SORCS3: variants seen among roughly 807,000 people sequenced by gnomAD.
SORCS3 encodes VPS10 domain-containing receptor SorCS3.
Under a neutral mutation model 146.3 loss-of-function variants are expected in SORCS3, and 57 were observed. The ratio of observed to expected loss-of-function variants is 0.39; its 90% CI spans 0.31 to 0.49. The LOEUF (loss-of-function observed/expected upper bound fraction) is 0.49. Among genes scored for constraint, SORCS3 ranks in the 20% least tolerant of loss-of-function variants. The pLI is 0.92. For missense variants in SORCS3, 1,341 were observed against 1,575.5 expected, an observed-to-expected ratio of 0.85 and a Z score of 2.52; for synonymous variants, 653 against 618.5, an observed-to-expected ratio of 1.06 and a Z score of -0.83.
At chr10:104,777,897 C>G (rs1316001152) in intron 1 of SORCS3, among the ~76,000 whole-genome samples, 2 of 151,956 alleles carry the variant, frequency 1.3e-5, no homozygotes, top group African/African-American at 4.8e-5. Flanking sequence ...AAAAAAGTAT[C>G]AATTTTTACT....
chr10:105,049,504 C>T (rs2055396671), intron 5 of SORCS3, among the ~76,000 whole-genome samples: 1 of 152,028 alleles, frequency 6.6e-6, no homozygotes, highest in African/African-American at 2.4e-5. Context: ...ATGTAATATC[C>T]CTTAGGTGCA....
In SORCS3 at chr10:104,948,193, G is replaced by A. The variant is rs61310857; in HGVS notation, c.796-29142G>A. On this transcript the variant is annotated intron_variant, in intron 3 of 26. Transcript: ENST00000369701. ...CTGGTCCTGTCTTAAGTGCCCCTGA[G>A]CCCTGCTTATTTCCTAGGGAGCATT... Among the ~76,000 whole-genome samples the A allele has an allele frequency of 4.6e-5, 7 of 152,230 alleles. No homozygotes were observed. The East Asian group carries it at 1.4e-3, about 30-fold the overall frequency.
At chr10:105,161,563 C>T (rs1380321855) in intron 11 of SORCS3, among the ~76,000 whole-genome samples, 3 of 152,040 alleles carry the variant, frequency 2.0e-5, no homozygotes, top group South Asian at 2.1e-4. Context: ...AGGACATCTC[C>T]GAAGGCAGAT....
In SORCS3 at chr10:105,083,694, C is replaced by T. The variant is rs1399889755; in HGVS notation, c.1029-6081C>T. On this transcript the variant is annotated intron_variant, in intron 5 of 26. Transcript: ENST00000369701. ...ACTACTCCTCTACTGTTGGCCCAACCTCCTTTTTCTATTCTCAACTTTTCC... is the reference window on the plus strand; with the variant it reads ...ACTACTCCTCTACTGTTGGCCCAACTTCCTTTTTCTATTCTCAACTTTTCC... Among the ~76,000 whole-genome samples, 4 of 152,294 alleles carry T rather than the reference C, an allele frequency of 2.6e-5. No homozygotes were observed. In the East Asian group the frequency reaches 5.8e-4, roughly 22 times the overall value.
In SORCS3 at chr10:105,023,289, A is replaced by G. The variant is rs1376351123; in HGVS notation, c.955-19766A>G. Reference sequence around the variant, plus strand: ...TTACTATGTGTAAACAAGGTCTGGAAATAGAAGCACATATGCAGATTTATT... The same window carrying G: ...TTACTATGTGTAAACAAGGTCTGGAGATAGAAGCACATATGCAGATTTATT... On this transcript the variant is annotated intron_variant, in intron 4 of 26. Transcript: ENST00000369701. Among the ~76,000 whole-genome samples the G allele has an allele frequency of 6.6e-5, 10 of 152,216 alleles. No homozygotes were observed. In the South Asian group the frequency reaches 2.1e-3, roughly 31 times the overall value.
At chr10:104,732,384 G>A (rs192091969) in intron 1 of SORCS3, among the ~76,000 whole-genome samples, 78 of 152,272 alleles carry the variant, frequency 5.1e-4, no homozygotes, top group Admixed American at 2.4e-3. Context: ...CTTTGAACAC[G>A]ATGTTCCTAA....
chr10:104,837,206 G>T (rs2018080881), intron 1 of SORCS3, among the ~76,000 whole-genome samples: 1 of 152,094 alleles, frequency 6.6e-6, no homozygotes, highest in Admixed American at 6.5e-5. Flanking sequence ...CTGACCTCAA[G>T]GAGGTCACAG....
At chr10:104,723,230 T>C (rs2016573610) in intron 1 of SORCS3, among the ~76,000 whole-genome samples, 1 of 152,242 alleles carries the variant, frequency 6.6e-6, no homozygotes, top group Non-Finnish European at 1.5e-5. Flanking sequence ...CTTCATTTCA[T>C]TATGTACCCA....
At chr10:104,769,642 A>G (rs1448315438) in intron 1 of SORCS3, among the ~76,000 whole-genome samples, 1 of 152,114 alleles carries the variant, frequency 6.6e-6, no homozygotes, top group Non-Finnish European at 1.5e-5. Flanking sequence ...ATCCACCAAG[A>G]ATTAATGCCC....
At chr10:104,774,559 A>G (rs970054) in intron 1 of SORCS3, among the ~76,000 whole-genome samples, 121,155 of 152,162 alleles carry the variant, frequency 0.8, 48,537 homozygotes, top group East Asian at 0.94. Flanking sequence ...TTGAGATGAC[A>G]TGGCAGCTTC....
At chr10:104,825,767 T>C (rs1378177774) in intron 1 of SORCS3, among the ~76,000 whole-genome samples, 3 of 152,196 alleles carry the variant, frequency 2.0e-5, no homozygotes, top group South Asian at 2.1e-4. Context: ...ACCTAAATCA[T>C]TTCCAAGAAT....
At chr10:105,253,739 A>G (rs533767725) in intron 23 of SORCS3, among the ~76,000 whole-genome samples, 38 of 152,258 alleles carry the variant, frequency 2.5e-4, no homozygotes, top group Admixed American at 9.1e-4. Flanking sequence ...ACTGGCCATC[A>G]CCCCATCCTT....
chr10:104,777,596 G>A (rs2133488777), intron 1 of SORCS3, among the ~76,000 whole-genome samples: 1 of 152,326 alleles, frequency 6.6e-6, no homozygotes, highest in South Asian at 2.1e-4. Context: ...GTCACAACTG[G>A]GGGGAGAGTG....
intron 19 of SORCS3, among the ~76,000 whole-genome samples, chr10:105,218,875 C>T (rs1036734290): frequency 3.3e-5 from 5 of 152,120 alleles, no homozygotes; most frequent in Admixed American, 1.3e-4. Context: ...ATTAGCCGGG[C>T]GTTTTGGCAC....
intron 1 of SORCS3, among the ~76,000 whole-genome samples, chr10:104,751,925 ATAT>A (rs1564675389): frequency 0.044 from 414 of 9,388 alleles, 7 homozygotes; most frequent in Non-Finnish European, 0.058. Flanking sequence ...AATAGGAAGC[ATAT>A]ATATATATAT....
intron 5 of SORCS3, among the ~76,000 whole-genome samples, chr10:105,067,189 A>T (rs1190740240): frequency 6.6e-6 from 1 of 152,232 alleles, no homozygotes; most frequent in Admixed American, 6.5e-5. Flanking sequence ...TCAAAACATC[A>T]TATTATATAT....
intron 1 of SORCS3, among the ~76,000 whole-genome samples, chr10:104,680,977 C>G (rs1463689149): frequency 6.6e-6 from 1 of 152,240 alleles, no homozygotes; most frequent in Admixed American, 6.5e-5. Context: ...GCAGGAGGGA[C>G]AGGCGCCAGG....
chr10:104,715,295 G>A (rs973160937), intron 1 of SORCS3, among the ~76,000 whole-genome samples: 1 of 152,158 alleles, frequency 6.6e-6, no homozygotes, highest in African/African-American at 2.4e-5. Context: ...AAAAGGAGGA[G>A]AAAGGGAGAA....
chr10:104,858,519 CT>C (rs2018360337), intron 2 of SORCS3, among the ~76,000 whole-genome samples: 1 of 151,898 alleles, frequency 6.6e-6, no homozygotes. Flanking sequence ...ATACTTAAAT[CT>C]TTGTTTTTCC....
Sources: gnomAD v4.1 joint callset for allele counts (sites outside exome capture counted in the v4.1 genomes callset) on GRCh38, gnomAD v4.1.1 for gene constraint, MANE v1.5 for transcripts, NCBI Gene and HGNC (gene_info 2026-07-23, HGNC 2026-07-21) for gene names.